RUFY2: variants seen among roughly 807,000 people sequenced by gnomAD.
RUFY2 encodes the protein RUN and FYVE domain containing 2.
A neutral mutation model predicts 94.4 loss-of-function variants in RUFY2; 49 were observed. The observed-to-expected ratio is 0.52, with a 90% CI of 0.41 to 0.66. RUFY2 has a LOEUF of 0.66. RUFY2 is among the 30% of genes least tolerant of loss of function. The pLI, the probability that RUFY2 is intolerant of heterozygous loss-of-function variation, is 0.00. For missense variants in RUFY2, 541 were observed against 692.8 expected, an observed-to-expected ratio of 0.78 and a Z score of 2.46; for synonymous variants, 255 against 235.7, an observed-to-expected ratio of 1.08 and a Z score of -0.75.
In RUFY2 at chr10:68,356,398, C is replaced by T. The variant is rs560964478; in HGVS notation, c.1551-997G>A. 6.9e-4 allele frequency among the ~76,000 whole-genome samples: 105 copies of T among 151,884 alleles called. No individual in the cohort carries two copies. The South Asian group carries it at 0.013, about 19-fold the overall frequency. Reference sequence around the variant, plus strand: ...GTGCACGCCTGTATTCCCAGCTACTCGGGAAGGTGAGGCAGGAGAATCACT... The same window carrying T: ...GTGCACGCCTGTATTCCCAGCTACTTGGGAAGGTGAGGCAGGAGAATCACT... On this transcript the variant is annotated intron_variant, in intron 15 of 17. Transcript: ENST00000602465.
At chr10:68,394,160 AATTTAAAGGGG>A (rs1564843257) in intron 5 of RUFY2, 24 bp from the exon 6 acceptor site, 1 of 1,481,298 alleles carries the variant, frequency 6.8e-7, no homozygotes, top group East Asian at 2.3e-5. Flanking sequence ...AGTTTTTTTT[AATTTAAAGGGG>A]AGAAAATACT....
In RUFY2 at chr10:68,402,104, T is replaced by A. The variant is rs534768753; in HGVS notation, c.179-367A>T. The stretch of plus-strand genomic sequence containing the variant: ...CAAACCAAGCACAAATAAAAAGTTA[T>A]TTTATTTTTTATAATGCCTTTTTTT... On this transcript the variant is annotated intron_variant, in intron 2 of 17. Coordinates refer to ENST00000602465, the MANE Select transcript of RUFY2 (RefSeq NM_001330103.2). 2.0e-5 allele frequency among the ~76,000 whole-genome samples: 3 copies of A among 152,134 alleles called. No individual in the cohort carries two copies. In the East Asian group the frequency reaches 5.8e-4, roughly 29 times the overall value.
intron 1 of RUFY2, 124 bp downstream of exon 1, chr10:68,407,062 G>C (rs923577039): frequency 3.4e-6 from 5 of 1,477,118 alleles, no homozygotes; most frequent in Middle Eastern, 2.0e-4. Context: ...CCCATCCTGG[G>C]TTCGGGCCCC....
At chr10:68,370,445 TTTC>T (rs2048180688) in intron 13 of RUFY2, among the ~76,000 whole-genome samples, 1 of 146,866 alleles carries the variant, frequency 6.8e-6, no homozygotes, top group Non-Finnish European at 1.5e-5. Flanking sequence ...GCATTTCTTT[TTTC>T]TTTTTTTTTT....
At chr10:68,390,769 T>C (rs1217484763) in intron 7 of RUFY2, among the ~76,000 whole-genome samples, 1 of 141,786 alleles carries the variant, frequency 7.1e-6, no homozygotes. Context: ...CTAATAATAG[T>C]TTTTTTTTTT....
chr10:68,377,120 G>C (rs1564817387), intron 12 of RUFY2, 148 bp from the exon 13 acceptor site: 4 of 1,495,408 alleles, frequency 2.7e-6, no homozygotes, highest in Non-Finnish European at 3.6e-6. Flanking sequence ...ACTCAAACGT[G>C]AAAGAGCCAC....
chr10:68,406,635 C>T, intron 1 of RUFY2: 4 of 973,756 alleles, frequency 4.1e-6, no homozygotes, highest in Non-Finnish European at 5.8e-6. Context: ...AGTACCAGGG[C>T]CAGTGCCCGC....
chr10:68,354,596 G>T (rs1401734604), intron 16 of RUFY2, among the ~76,000 whole-genome samples: 4 of 152,146 alleles, frequency 2.6e-5, no homozygotes, highest in African/African-American at 7.2e-5. Context: ...AACCATACTG[G>T]TAAAGTGTTC....
intron 13 of RUFY2, among the ~76,000 whole-genome samples, chr10:68,370,371 G>A (rs1465433324): frequency 6.6e-6 from 1 of 151,078 alleles, no homozygotes; most frequent in African/African-American, 2.4e-5. Context: ...TGTCTCTGAA[G>A]CAACCCCACT....
chr10:68,407,058 C>G (rs979383985), intron 1 of RUFY2, 128 bp downstream of exon 1: 8 of 1,474,252 alleles, frequency 5.4e-6, no homozygotes, highest in Non-Finnish European at 6.3e-6. Context: ...CCCGCCCATC[C>G]TGGGTTCGGG....
At position 68,371,590 on chromosome 10, in the gene RUFY2, C is replaced by CA. The variant is rs574725100; in HGVS notation, c.1325+5262dup. Among the ~76,000 whole-genome samples, 280 of 107,712 alleles carry CA rather than the reference C, an allele frequency of 2.6e-3. 2 individuals carry two copies. The highest frequency in any genetic ancestry group is 6.7e-3 in the East Asian group (26 of 3,874). The allele number at this position is 107,712 out of a possible 152,430, so 70.7% of individuals were successfully genotyped here. On this transcript the variant is annotated intron_variant, in intron 13 of 17. Transcript: ENST00000602465. ...CTGGCGACAGAGCGAGACTCCGCCT[C>CA]AAAAAAAAAAAAAGACCCAACATTC... is the stretch of plus-strand genomic sequence containing the variant.
chr10:68,393,012 T>C (rs1253630490), intron 7 of RUFY2, 126 bp downstream of exon 7: 11 of 423,704 alleles, frequency 2.6e-5, no homozygotes, highest in African/African-American at 1.4e-4. Context: ...TTACTTTCCA[T>C]TTTCTCTCTA....
At chr10:68,392,430 G>T (rs1200744609) in intron 7 of RUFY2, among the ~76,000 whole-genome samples, 1 of 152,148 alleles carries the variant, frequency 6.6e-6, no homozygotes, top group Non-Finnish European at 1.5e-5. Flanking sequence ...TCAATGACCA[G>T]TTGACAATGT....
At chr10:68,386,349 C>G (rs116241845) in intron 7 of RUFY2, among the ~76,000 whole-genome samples, 6,036 of 152,022 alleles carry the variant, frequency 0.04, 390 homozygotes, top group African/African-American at 0.14. Context: ...CCATTTGGTG[C>G]TACTGATTTT....
intron 1 of RUFY2, 102 bp from the exon 2 acceptor site, chr10:68,404,946 T>G: frequency 1.1e-6 from 1 of 947,766 alleles, no homozygotes; most frequent in Non-Finnish European, 1.5e-6. Context: ...TAGTTTGCTG[T>G]TCCTTGGTTG....
chr10:68,405,649 C>T, intron 1 of RUFY2: 1 of 927,202 alleles, frequency 1.1e-6, no homozygotes, highest in South Asian at 5.0e-5. Context: ...CCACAACAAA[C>T]ATGACAGGTA....
At chr10:68,393,254 G>T in intron 6 of RUFY2, 51 bp from the exon 7 acceptor site, 6 of 943,348 alleles carry the variant, frequency 6.4e-6, no homozygotes, top group Non-Finnish European at 6.3e-6. Flanking sequence ...TATTTATTAA[G>T]CACAAAAAAA....
chr10:68,346,324 C>T, intron 16 of RUFY2: 2 of 395,310 alleles, frequency 5.1e-6, no homozygotes, highest in South Asian at 6.8e-5. Context: ...GCGACAATGG[C>T]TCACACCGGT....
intron 16 of RUFY2, among the ~76,000 whole-genome samples, chr10:68,351,390 C>A (rs1384411897): frequency 6.6e-6 from 1 of 151,294 alleles, no homozygotes; most frequent in Non-Finnish European, 1.5e-5. Flanking sequence ...CCCGCCTTGG[C>A]CTCCCAAAGT....
Sources: gnomAD v4.1 joint callset for allele counts (sites outside exome capture counted in the v4.1 genomes callset) on GRCh38, gnomAD v4.1.1 for gene constraint, MANE v1.5 for transcripts, NCBI Gene and HGNC (gene_info 2026-07-23, HGNC 2026-07-21) for gene names.